GLDC: variants seen among roughly 807,000 people sequenced by gnomAD.
GLDC encodes glycine decarboxylase, also known as glycine dehydrogenase (decarboxylating), mitochondrial.
In GLDC, 104 loss-of-function variants were observed where a neutral mutation model predicts 121.3. That is an observed-to-expected ratio of 0.86 (90% CI 0.73 to 1.01). The LOEUF is 1.01. Among genes scored for constraint, GLDC ranks in the 50% least tolerant of loss-of-function variants. The pLI, the probability that GLDC is intolerant of heterozygous loss-of-function variation, is 0.00. For synonymous variants in GLDC, 546 were observed against 480.6 expected (o/e 1.14, Z -1.78); for missense variants, 1,429 against 1,306.6 (o/e 1.09, Z -1.44).
chr9:6,575,622 G>A (rs1285381267), intron 15 of GLDC, among the ~76,000 whole-genome samples: 1 of 152,172 alleles, frequency 6.6e-6, no homozygotes, highest in Non-Finnish European at 1.5e-5. Context: ...GAAAAGCAAT[G>A]GCCACCTCCG....
chr9:6,544,370 T>G (rs1308071436), intron 21 of GLDC, among the ~76,000 whole-genome samples: 1 of 152,052 alleles, frequency 6.6e-6, no homozygotes, highest in Non-Finnish European at 1.5e-5. Flanking sequence ...GGGACAGGTA[T>G]TTGCAGGCAA....
At chr9:6,601,647 CAG>C (rs1239971132) in intron 8 of GLDC, among the ~76,000 whole-genome samples, 1 of 151,958 alleles carries the variant, frequency 6.6e-6, no homozygotes, top group East Asian at 1.9e-4. Flanking sequence ...GAGTTGGGGA[CAG>C]AGTCTCCCTC....
In GLDC at chr9:6,606,657, C is replaced by T. The variant is rs1818740210; in HGVS notation, c.648G>A (p.Arg216=). The T allele has an allele frequency of 1.3e-6, 2 of 1,599,248 alleles. No individual in the cohort carries two copies. Among genetic ancestry groups the T allele is most frequent in the East Asian group, 4.5e-5 (2 of 44,816 alleles). The change falls in exon 5 of 25, where the codon AGG becomes AGA. Residue 216 remains arginine, a synonymous_variant. Coordinates refer to ENST00000321612, the MANE Select transcript of GLDC (RefSeq NM_000170.3). ...AACGGGGATCAACGAGAAATTTCCT[C>T]CTCTTGTTGTGTCTGTTGAAAAGAA... ...ALQLCYRHNK[R]RKFLVDPRCH...
chr9:6,547,227 A>T (rs990831810), intron 21 of GLDC, among the ~76,000 whole-genome samples: 1 of 152,168 alleles, frequency 6.6e-6, no homozygotes, highest in African/African-American at 2.4e-5. Flanking sequence ...GGATGCAGTT[A>T]TATGTCTTTT....
chr9:6,586,260 A>G (rs1459656302), intron 15 of GLDC, among the ~76,000 whole-genome samples: 1 of 152,178 alleles, frequency 6.6e-6, no homozygotes, highest in African/African-American at 2.4e-5. Context: ...ACGCCATTGC[A>G]CTCCAGCCTG....
At chr9:6,600,093 A>C (rs1283804305) in intron 8 of GLDC, among the ~76,000 whole-genome samples, 1 of 152,200 alleles carries the variant, frequency 6.6e-6, no homozygotes, top group Non-Finnish European at 1.5e-5. Context: ...GTGGCCAGGC[A>C]CGGTGGCTCA....
intron 19 of GLDC, among the ~76,000 whole-genome samples, chr9:6,554,293 G>T (rs1233512201): frequency 6.6e-6 from 1 of 151,652 alleles, no homozygotes; most frequent in Non-Finnish European, 1.5e-5. Flanking sequence ...ACCATTAGCT[G>T]ATTTTAAAAA....
chr9:6,537,149 G>A (rs1424589763), intron 22 of GLDC, among the ~76,000 whole-genome samples: 1 of 151,262 alleles, frequency 6.6e-6, no homozygotes. Context: ...TCCCACCTAA[G>A]CCTTCCAAGT....
In GLDC at chr9:6,636,910, C is replaced by T. The variant is rs144299406; in HGVS notation, c.334+7704G>A. On this transcript the variant is annotated intron_variant, in intron 2 of 24. Transcript: ENST00000321612. The stretch of plus-strand genomic sequence containing the variant: ...ACCAGCCTGACCAATACGGTGAAAG[C>T]CCATCTCAACTAAAAATACAAAAAT... Among the ~76,000 whole-genome samples the T allele has an allele frequency of 6.5e-3, 989 of 151,762 alleles. 2 individuals carry two copies. The highest frequency in any genetic ancestry group is 0.027 in the Middle Eastern group (8 of 294).
At chr9:6,543,003 C>T (rs925346342) in intron 21 of GLDC, among the ~76,000 whole-genome samples, 21 of 149,534 alleles carry the variant, frequency 1.4e-4, no homozygotes, top group African/African-American at 5.2e-4. Flanking sequence ...AATCATTAGA[C>T]TAAGTTTTTA....
At chr9:6,633,825 T>C (rs1434824175) in intron 2 of GLDC, among the ~76,000 whole-genome samples, 2 of 72,124 alleles carry the variant, frequency 2.8e-5, no homozygotes, top group Admixed American at 1.3e-4. Context: ...GAGAATCTTT[T>C]TTTTTTTTTT....
At chr9:6,590,614 C>A (rs774976196) in intron 11 of GLDC, among the ~76,000 whole-genome samples, 134 of 152,314 alleles carry the variant, frequency 8.8e-4, no homozygotes, top group Middle Eastern at 3.4e-3. Context: ...TCACCAGAAG[C>A]AAACGCTTCT....
intron 5 of GLDC, among the ~76,000 whole-genome samples, chr9:6,606,324 A>G (rs1051492537): frequency 6.8e-6 from 1 of 148,072 alleles, no homozygotes; most frequent in African/African-American, 2.5e-5. Flanking sequence ...AAAAAAAAAA[A>G]AAAAAGAAGA....
intron 15 of GLDC, among the ~76,000 whole-genome samples, chr9:6,569,813 T>C (rs2129773624): frequency 6.6e-6 from 1 of 152,128 alleles, no homozygotes; most frequent in Admixed American, 6.5e-5. Context: ...CTGTCTCTAC[T>C]AAAAATACAA....
chr9:6,620,425 A>G lies in GLDC; in HGVS notation c.335-106T>C, dbSNP rs139533511. The G allele has an allele frequency of 1.2e-3, 1,182 of 970,674 alleles. 9 individuals are homozygous for G. The highest frequency in any genetic ancestry group is 7.4e-4 in the Non-Finnish European group (451 of 607,702). 60.1% of individuals were successfully genotyped at this position (970,674 alleles called of 1,614,324 possible). ...TTTGAGTATTTATGACAGAATAACT[A>G]TATGGAAAATGTAAGAGTCATCCAT... On this transcript the variant is annotated intron_variant, in intron 2 of 24. Coordinates refer to ENST00000321612, the MANE Select transcript of GLDC (RefSeq NM_000170.3).
rs186549923 is a variant in GLDC at position 6,633,718 on chromosome 9, C to T, written c.334+10896G>A. On this transcript the variant is annotated intron_variant, in intron 2 of 24. Coordinates refer to ENST00000321612, the MANE Select transcript of GLDC (RefSeq NM_000170.3). ...GGTGGATCACCTGAGGTCAGGAGCTCGAGACCAGCCTGGCCAACACAGCAA... is the reference window on the plus strand; with the variant it reads ...GGTGGATCACCTGAGGTCAGGAGCTTGAGACCAGCCTGGCCAACACAGCAA... Among the ~76,000 whole-genome samples the T allele has an allele frequency of 1.7e-3, 258 of 151,826 alleles. 2 individuals carry two copies. The highest frequency in any genetic ancestry group is 5.9e-3 in the African/African-American group (244 of 41,394).
At chr9:6,622,146 CCACACACACACAGACACACA>C (rs969142276) in intron 2 of GLDC, among the ~76,000 whole-genome samples, 1 of 117,576 alleles carries the variant, frequency 8.5e-6, no homozygotes, top group Non-Finnish European at 1.7e-5. Flanking sequence ...TCACCCTCCA[CCACACACACACAGACACACA>C]CACACACACA....
intron 21 of GLDC, chr9:6,541,410 C>G (rs201956810): frequency 6.6e-6 from 1 of 152,206 alleles, no homozygotes; most frequent in Non-Finnish European, 1.5e-5. Context: ...AAAAATGAAT[C>G]CACTTATAGA....
chr9:6,644,799 T>C (rs777333002), intron 1 of GLDC, 107 bp from the exon 2 acceptor site: 45 of 769,254 alleles, frequency 5.8e-5, no homozygotes, highest in Non-Finnish European at 1.0e-4. Context: ...ATCGCCTAAT[T>C]AGGGTTCTTT....
Sources: allele counts gnomAD v4.1 joint callset (sites outside exome capture counted in the v4.1 genomes callset), GRCh38; gene constraint gnomAD v4.1.1; transcripts MANE v1.5; gene names NCBI Gene and HGNC (gene_info 2026-07-23, HGNC 2026-07-21).